The following BANF2 variants were observed in gnomAD, a reference collection of about 807,000 sequenced individuals.
BANF2 encodes BANF family member 2, also known as barrier-to-autointegration factor-like protein.
A neutral mutation model predicts 8.0 loss-of-function variants in BANF2; 4 were observed. The observed-to-expected ratio is 0.50, with a 90% CI of 0.25 to 1.14. The LOEUF (loss-of-function observed/expected upper bound fraction) is 1.14. Among genes scored for constraint, BANF2 ranks in the 50% most tolerant of loss-of-function variants. The pLI is 0.16. For missense variants in BANF2, 96 were observed against 107.5 expected (o/e 0.89, Z 0.47); for synonymous variants, 50 against 40.6 (o/e 1.23, Z -0.88).
rs191696258 is a variant in BANF2, at chr20:17,722,369, G to C, written c.-166-347G>C. On this transcript the variant is annotated intron_variant, in intron 1 of 3. Coordinates refer to ENST00000246090, the MANE Select transcript of BANF2 (RefSeq NM_178477.5). The stretch of plus-strand genomic sequence containing the variant: ...AGATGTTTAACTTAACAGATGGCCA[G>C]CATGGATAGTGAATGGAATTTTCCC... Among the ~76,000 whole-genome samples the C allele has an allele frequency of 8.5e-5, 13 of 152,346 alleles. No homozygotes were observed. In the East Asian group the frequency reaches 1.4e-3, roughly 16 times the overall value.
upstream of BANF2, among the ~76,000 whole-genome samples, chr20:17,699,534 G>A (rs2037380215): frequency 6.6e-6 from 1 of 152,152 alleles, no homozygotes; most frequent in South Asian, 2.1e-4. Context: ...CGGGTATACT[G>A]GTAGAAGAAA....
At chr20:17,733,757 C>A (rs116365473) in intron 3 of BANF2, among the ~76,000 whole-genome samples, 1 of 152,052 alleles carries the variant, frequency 6.6e-6, no homozygotes, top group African/African-American at 2.4e-5. Context: ...ACCACAAAAT[C>A]CTGGCTTTTT....
intron 3 of BANF2, among the ~76,000 whole-genome samples, chr20:17,726,589 A>G (rs1357395310): frequency 6.6e-6 from 1 of 152,222 alleles, no homozygotes; most frequent in African/African-American, 2.4e-5. Context: ...GAATTCACAG[A>G]TCAATGAATT....
chr20:17,722,630 C>A (rs1260579436), intron 1 of BANF2, 86 bp from the exon 2 acceptor site: 1 of 683,242 alleles, frequency 1.5e-6, no homozygotes, highest in Non-Finnish European at 1.8e-6. Context: ...GAGGTCGATG[C>A]CCTCGGCTCA....
chr20:17,719,194 G>A (rs1000822035), intron 1 of BANF2, among the ~76,000 whole-genome samples: 5 of 152,028 alleles, frequency 3.3e-5, no homozygotes, highest in South Asian at 2.1e-4. Context: ...GCTTGATCTC[G>A]GCTCACTGCA....
intron 2 of BANF2, among the ~76,000 whole-genome samples, chr20:17,723,640 A>G (rs1322304745): frequency 6.6e-6 from 1 of 152,170 alleles, no homozygotes; most frequent in Non-Finnish European, 1.5e-5. Flanking sequence ...ACAAACCTTA[A>G]ATGTGGATTG....
chr20:17,701,676 C>A (rs2037411374), intron 1 of BANF2, among the ~76,000 whole-genome samples: 1 of 152,198 alleles, frequency 6.6e-6, no homozygotes, highest in African/African-American at 2.4e-5. Flanking sequence ...CGATTGAACT[C>A]AGGTGGGTCA....
intron 1 of BANF2, among the ~76,000 whole-genome samples, chr20:17,715,032 A>G (rs1466749836): frequency 1.3e-5 from 2 of 152,234 alleles, no homozygotes; most frequent in African/African-American, 4.8e-5. Flanking sequence ...GGATGAGGTC[A>G]GTGAATTTAA....
chr20:17,735,108 A>G (rs2037957186), intron 3 of BANF2, among the ~76,000 whole-genome samples: 1 of 152,042 alleles, frequency 6.6e-6, no homozygotes, highest in African/African-American at 2.4e-5. Flanking sequence ...AACAAATAAA[A>G]GAAAGAAAAG....
At chr20:17,701,316 CA>C (rs1182990009) in intron 1 of BANF2, among the ~76,000 whole-genome samples, 1 of 152,204 alleles carries the variant, frequency 6.6e-6, no homozygotes, top group Non-Finnish European at 1.5e-5. Context: ...CCAGACCCAC[CA>C]GCTATGTTAT....
chr20:17,721,823 T>C (rs956137247), intron 1 of BANF2, among the ~76,000 whole-genome samples: 14 of 152,218 alleles, frequency 9.2e-5, no homozygotes, highest in Admixed American at 5.2e-4. Flanking sequence ...TAGAAGTGTA[T>C]TTATTGTTTC....
At chr20:17,716,841 CAAAA>C (rs36007590) in intron 1 of BANF2, among the ~76,000 whole-genome samples, 1 of 89,904 alleles carries the variant, frequency 1.1e-5, no homozygotes, top group Non-Finnish European at 2.1e-5. Context: ...GACTCCATCT[CAAAA>C]AAAAAAAAAA....
intron 1 of BANF2, among the ~76,000 whole-genome samples, chr20:17,705,534 G>A (rs543038421): frequency 5.6e-4 from 85 of 152,346 alleles, no homozygotes; most frequent in African/African-American, 1.8e-3. Context: ...AGGCTGTCTG[G>A]TCTAGGAAAG....
chr20:17,718,081 A>G, intron 1 of BANF2, among the ~76,000 whole-genome samples: 1 of 152,280 alleles, frequency 6.6e-6, no homozygotes, highest in East Asian at 1.9e-4. Flanking sequence ...AGAAATGTTC[A>G]TGTAGCAATC....
chr20:17,726,433 A>C (rs1308327069), intron 3 of BANF2, among the ~76,000 whole-genome samples: 1 of 152,178 alleles, frequency 6.6e-6, no homozygotes, highest in African/African-American at 2.4e-5. Flanking sequence ...GTGATTCAAC[A>C]TACCTCGGCC....
At position 17,693,707 on chromosome 20, in the gene BANF2, G is replaced by A; in HGVS notation, c.18+1G>A. ...GCGCTGAATGCTGCGAGGAACAAAG[G>A]TAAGGCAGATTGGTCTGACTTCCTT... On this transcript the variant is annotated splice_donor_variant, in intron 1 of 2. Transcript: ENST00000545418. LOFTEE classifies it high-confidence loss of function. 2.6e-6 allele frequency: 4 copies of A among 1,551,618 alleles called. No individual in the cohort carries two copies. The highest frequency in any genetic ancestry group is 3.5e-6 in the Non-Finnish European group (4 of 1,146,974).
intron 1 of BANF2, among the ~76,000 whole-genome samples, chr20:17,714,261 C>T (rs2037620174): frequency 6.6e-6 from 1 of 150,578 alleles, no homozygotes; most frequent in African/African-American, 2.4e-5. Context: ...AAAAATACAT[C>T]TATTACAAAT....
intron 1 of BANF2, among the ~76,000 whole-genome samples, chr20:17,711,406 C>T (rs1303975346): frequency 6.6e-6 from 1 of 152,248 alleles, no homozygotes; most frequent in Non-Finnish European, 1.5e-5. Flanking sequence ...TCTTAGACAC[C>T]TCCACACAAT....
intron 3 of BANF2, 42 bp from the exon 4 acceptor site, chr20:17,735,623 A>G: frequency 6.3e-7 from 1 of 1,598,686 alleles, no homozygotes; most frequent in Non-Finnish European, 8.6e-7. Flanking sequence ...CTGGCTTATG[A>G]TAACCTTTCC....
Sources: allele counts gnomAD v4.1 joint callset (sites outside exome capture counted in the v4.1 genomes callset), GRCh38; gene constraint gnomAD v4.1.1; transcripts MANE v1.5; gene names NCBI Gene and HGNC (gene_info 2026-07-23, HGNC 2026-07-21).